FREM3: variants seen among roughly 807,000 people sequenced by gnomAD.
FREM3 encodes FRAS1 related extracellular matrix 3.
A neutral mutation model predicts 129.1 loss-of-function variants in FREM3; 105 were observed. The observed-to-expected ratio is 0.81, with a 90% CI of 0.69 to 0.96. The LOEUF (loss-of-function observed/expected upper bound fraction) is 0.96, where lower values mean the gene tolerates loss of function less well. Among genes scored for constraint, FREM3 ranks in the 40% least tolerant of loss-of-function variants. FREM3 has a pLI of 0.00. For missense variants in FREM3, 2,593 were observed against 2,666.3 expected, an observed-to-expected ratio of 0.97 and a Z score of 0.61; for synonymous variants, 1,014 against 1,044.9, an observed-to-expected ratio of 0.97 and a Z score of 0.57.
chr4:143,638,743 C>A (rs1168869318), intron 2 of FREM3, among the ~76,000 whole-genome samples: 2 of 152,110 alleles, frequency 1.3e-5, no homozygotes. Flanking sequence ...AACATACTGT[C>A]CAGAACATAG....
chr4:143,637,282 T>A (rs746612246), intron 2 of FREM3, among the ~76,000 whole-genome samples: 1 of 152,130 alleles, frequency 6.6e-6, no homozygotes, highest in Non-Finnish European at 1.5e-5. Flanking sequence ...GAACTATAAA[T>A]TTAAGGAAAA....
chr4:143,660,154 G>A (rs1440004314), intron 2 of FREM3, among the ~76,000 whole-genome samples: 15 of 150,758 alleles, frequency 9.9e-5, no homozygotes, highest in Non-Finnish European at 1.6e-4. Context: ...TGAAGTCCTT[G>A]CCCATGCCTA....
chr4:143,602,767 T>C (rs981926566), intron 6 of FREM3, among the ~76,000 whole-genome samples: 1 of 152,116 alleles, frequency 6.6e-6, no homozygotes, highest in East Asian at 1.9e-4. Flanking sequence ...CGGCCAACTG[T>C]TTTGTCCTGT....
At chr4:143,650,733 C>A (rs1739495703) in intron 2 of FREM3, among the ~76,000 whole-genome samples, 1 of 152,224 alleles carries the variant, frequency 6.6e-6, no homozygotes, top group African/African-American at 2.4e-5. Context: ...CTTAAGCTAT[C>A]CTCCTCACTT....
chr4:143,633,173 GTCATCCAC>G (rs1284261165), intron 2 of FREM3, among the ~76,000 whole-genome samples: 26 of 152,104 alleles, frequency 1.7e-4, no homozygotes, highest in Non-Finnish European at 3.1e-4. Flanking sequence ...AGTGGCAACG[GTCATCCAC>G]AGAGTGCTGT....
intron 2 of FREM3, among the ~76,000 whole-genome samples, chr4:143,680,256 C>CAT (rs10684537): frequency 0.086 from 12,770 of 149,066 alleles, 1,424 homozygotes; most frequent in African/African-American, 0.25. Flanking sequence ...GGGAATAATG[C>CAT]ATATATATAT....
rs186268947 is a variant in FREM3 at position 143,689,434 on chromosome 4, G to A, written c.5275+3679C>T. On this transcript the variant is annotated intron_variant, in intron 2 of 7. Coordinates refer to ENST00000329798, the MANE Select transcript of FREM3 (RefSeq NM_001168235.2). Reference sequence around the variant, plus strand: ...AATCAGGGATCACTTCTACACTGCCGGTGGGAATGTAGTACAGCCACTACA... The same window carrying A: ...AATCAGGGATCACTTCTACACTGCCAGTGGGAATGTAGTACAGCCACTACA... Among the ~76,000 whole-genome samples, 45 of 152,230 alleles carry A rather than the reference G, an allele frequency of 3.0e-4. 1 individual carries two copies. In the East Asian group the frequency reaches 5.0e-3, roughly 17 times the overall value.
At position 143,577,359 on chromosome 4, in the gene FREM3, A is replaced by G. The variant is rs1374238265; in HGVS notation, c.*252T>C. The G allele has an allele frequency of 4.1e-6, 2 of 493,592 alleles. No individual in the cohort carries two copies. The highest frequency in any genetic ancestry group is 7.0e-6 in the Non-Finnish European group (2 of 284,006). 30.6% of individuals were successfully genotyped at this position (493,592 alleles called of 1,614,324 possible). On this transcript the variant is annotated 3_prime_UTR_variant, in exon 8 of 8. Transcript: ENST00000329798. ...ACAGTGGATTTCTTACTTGCCTCAGAAACAAAGTAAAACAAAATAGAAAAA... is the reference window on the plus strand; with the variant it reads ...ACAGTGGATTTCTTACTTGCCTCAGGAACAAAGTAAAACAAAATAGAAAAA...
At chr4:143,598,721 A>G (rs896603993) in intron 6 of FREM3, among the ~76,000 whole-genome samples, 2 of 152,176 alleles carry the variant, frequency 1.3e-5, no homozygotes, top group African/African-American at 4.8e-5. Context: ...GTTGTCCCAT[A>G]TGATCATAAT....
intron 6 of FREM3, among the ~76,000 whole-genome samples, chr4:143,604,466 T>C (rs984322725): frequency 9.2e-5 from 14 of 152,102 alleles, no homozygotes; most frequent in African/African-American, 3.1e-4. Flanking sequence ...TCAGATAAAC[T>C]CTATATTAAT....
intron 2 of FREM3, among the ~76,000 whole-genome samples, chr4:143,659,224 C>T (rs1240410006): frequency 2.6e-5 from 4 of 151,838 alleles, no homozygotes; most frequent in Non-Finnish European, 4.4e-5. Context: ...GGTATATCTC[C>T]TAATGCTATC....
chr4:143,650,440 C>G (rs758094816), intron 2 of FREM3, among the ~76,000 whole-genome samples: 5 of 152,210 alleles, frequency 3.3e-5, no homozygotes, highest in Non-Finnish European at 5.9e-5. Flanking sequence ...TAAACCCTCA[C>G]CAGGCCCAGT....
In FREM3 at chr4:143,697,795, CTA is replaced by C. The variant is rs2149864854; in HGVS notation, c.2879_2880del (p.Leu960ArgfsTer3). On this transcript the variant is annotated frameshift_variant, in exon 1 of 8. Transcript: ENST00000329798. LOFTEE classifies it high-confidence loss of function. Reference sequence around the variant, plus strand: ...ATGGTAATTTCAGTGGCTTTATTCTCTAGTACGTCTATAGAAACATCCAATAA... The same window carrying C: ...ATGGTAATTTCAGTGGCTTTATTCTCGTACGTCTATAGAAACATCCAATAA... ...SSLLDVSIDVLENKATEITMG... is the reference protein window; with the variant it reads ...SSLLDVSIDVXENKATEITMG... The C allele has an allele frequency of 6.5e-7, 1 of 1,537,530 alleles. No homozygotes were observed. Among genetic ancestry groups the C allele is most frequent in the African/African-American group, 1.4e-5 (1 of 73,158 alleles).
chr4:143,650,310 G>A (rs1036240823), intron 2 of FREM3, among the ~76,000 whole-genome samples: 2 of 152,190 alleles, frequency 1.3e-5, no homozygotes, highest in Non-Finnish European at 2.9e-5. Context: ...CAAAGCTCTT[G>A]TTCAGGAGAT....
intron 1 of FREM3, among the ~76,000 whole-genome samples, chr4:143,694,684 G>A (rs573557903): frequency 3.3e-4 from 50 of 152,190 alleles, no homozygotes; most frequent in African/African-American, 1.1e-3. Flanking sequence ...TGTGCATAAC[G>A]TGCAGGTTTG....
intron 6 of FREM3, among the ~76,000 whole-genome samples, chr4:143,610,517 C>T (rs1202444334): frequency 6.6e-6 from 1 of 152,176 alleles, no homozygotes; most frequent in Admixed American, 6.5e-5. Flanking sequence ...ACAGCCCAGT[C>T]TAACCCTTCT....
chr4:143,664,577 T>C (rs1560863344), intron 2 of FREM3, among the ~76,000 whole-genome samples: 1 of 152,144 alleles, frequency 6.6e-6, no homozygotes. Flanking sequence ...CGTTCTCAGA[T>C]CTCCAGCTGC....
At chr4:143,684,210 CAG>C (rs1740312888) in intron 2 of FREM3, among the ~76,000 whole-genome samples, 1 of 152,138 alleles carries the variant, frequency 6.6e-6, no homozygotes, top group South Asian at 2.1e-4. Context: ...AGCACAAAAA[CAG>C]AGCATTAAAC....
chr4:143,640,367 A>G (rs1739302513), intron 2 of FREM3, among the ~76,000 whole-genome samples: 1 of 152,248 alleles, frequency 6.6e-6, no homozygotes, highest in South Asian at 2.1e-4. Flanking sequence ...AAAGAAGAAT[A>G]GAATGAGCAC....
Sources: gnomAD v4.1 joint callset for allele counts (sites outside exome capture counted in the v4.1 genomes callset) on GRCh38, gnomAD v4.1.1 for gene constraint, MANE v1.5 for transcripts, NCBI Gene and HGNC (gene_info 2026-07-23, HGNC 2026-07-21) for gene names.